Variants in ZBTB20 observed in about 807,000 individuals in gnomAD.
ZBTB20 encodes the protein zinc finger and BTB domain containing 20, also known as zinc finger and BTB domain-containing protein 20.
In ZBTB20, 9 loss-of-function variants were observed where a neutral mutation model predicts 56.9. The observed-to-expected ratio is 0.16, with a 90% CI of 0.10 to 0.28. The LOEUF is 0.28. Ranked by LOEUF, ZBTB20 falls within the 10% of genes least tolerant of loss-of-function variation. The pLI is 1.00. For synonymous variants in ZBTB20, 417 were observed against 420.7 expected, an observed-to-expected ratio of 0.99 and a Z score of 0.11; for missense variants, 655 against 1,003.0, an observed-to-expected ratio of 0.65 and a Z score of 4.69.
At chr3:114,956,240 A>G (rs1198900515) in intron 3 of ZBTB20, among the ~76,000 whole-genome samples, 1 of 152,204 alleles carries the variant, frequency 6.6e-6, no homozygotes, top group Non-Finnish European at 1.5e-5. Flanking sequence ...ACAACACAAC[A>G]AAAGCAGGGG....
rs569312934 is a variant in ZBTB20 at position 114,677,624 on chromosome 3, C to A, written c.-295+15904G>T. Among the ~76,000 whole-genome samples the A allele has an allele frequency of 6.6e-4, 100 of 152,238 alleles. 1 individual carries two copies. The highest frequency in any genetic ancestry group is 3.4e-3 in the Middle Eastern group (1 of 294). On this transcript the variant is annotated intron_variant, in intron 6 of 11. Transcript: ENST00000675478. ...TGAAACTGGTCCCTGGTGGCAAAAA[C>A]GTTGGTGGCTGCTGGCCCAGACAAT...
rs1191017862 is a variant in ZBTB20 at position 114,728,317 on chromosome 3, T to C, written c.-342-34742A>G. On this transcript the variant is annotated intron_variant, in intron 5 of 11. Transcript: ENST00000675478. ...TCAAAAATCCTGTGGGGTAGGTAAG[T>C]AGAGAAAGTATTAATAGTATACCCA... is the stretch of plus-strand genomic sequence containing the variant. 2.0e-5 allele frequency among the ~76,000 whole-genome samples: 3 copies of C among 152,270 alleles called. No homozygotes were observed. In the East Asian group the frequency reaches 5.8e-4, roughly 29 times the overall value.
At chr3:114,787,368 T>TATACATACAC (rs1433434685) in intron 5 of ZBTB20, among the ~76,000 whole-genome samples, 1 of 106,332 alleles carries the variant, frequency 9.4e-6, no homozygotes, top group Non-Finnish European at 1.9e-5. Flanking sequence ...TATATATATA[T>TATACATACAC]ACACACACAC....
intron 5 of ZBTB20, among the ~76,000 whole-genome samples, chr3:114,750,861 C>T (rs1306931050): frequency 6.6e-6 from 1 of 152,150 alleles, no homozygotes; most frequent in Non-Finnish European, 1.5e-5. Flanking sequence ...CCTTTGTCTA[C>T]TCTTTGAAGC....
At chr3:114,350,225 C>A (rs577889161) in intron 11 of ZBTB20, 49 bp downstream of exon 11, 9 of 1,545,142 alleles carry the variant, frequency 5.8e-6, no homozygotes, top group South Asian at 2.5e-5. Context: ...TGCCTTCCCA[C>A]AGCCCCCTCA....
intron 4 of ZBTB20, among the ~76,000 whole-genome samples, chr3:114,822,470 C>G (rs1453505993): frequency 6.6e-6 from 1 of 151,882 alleles, no homozygotes; most frequent in Non-Finnish European, 1.5e-5. Flanking sequence ...TAGTTCCAAT[C>G]CAACTCAATT....
chr3:114,508,033 A>G (rs376783067), intron 6 of ZBTB20, among the ~76,000 whole-genome samples: 1 of 152,172 alleles, frequency 6.6e-6, no homozygotes, highest in East Asian at 1.9e-4. Context: ...TGTCTAAGAA[A>G]TTTGCTGAAT....
intron 4 of ZBTB20, among the ~76,000 whole-genome samples, chr3:114,825,143 A>T (rs934392759): frequency 6.6e-6 from 1 of 151,934 alleles, no homozygotes; most frequent in African/African-American, 2.4e-5. Context: ...GCTGATCATC[A>T]TATCTAAACA....
intron 6 of ZBTB20, chr3:114,519,641 A>G (rs1348670075): frequency 6.6e-6 from 1 of 152,218 alleles, no homozygotes; most frequent in Non-Finnish European, 1.5e-5. Flanking sequence ...CATGTTTCCC[A>G]GTTACCATAG....
rs191979838 is a variant in ZBTB20, at chr3:114,805,121, C to T, written c.-416-3947G>A. ...GATAGTACAGAGAGTACCCATATTT[C>T]CTTCACTAGTTTTTCCTAATGTTAC... On this transcript the variant is annotated intron_variant, in intron 4 of 11. Coordinates refer to ENST00000675478, the MANE Select transcript of ZBTB20 (RefSeq NM_001348800.3). 5.7e-3 allele frequency among the ~76,000 whole-genome samples: 869 copies of T among 151,818 alleles called. 1 individual carries two copies. Among genetic ancestry groups the T allele is most frequent in the Non-Finnish European group, 7.3e-3 (494 of 67,802 alleles).
intron 7 of ZBTB20, among the ~76,000 whole-genome samples, chr3:114,428,922 T>G (rs1247219848): frequency 6.6e-6 from 1 of 152,174 alleles, no homozygotes; most frequent in African/African-American, 2.4e-5. Context: ...AATTTACAGA[T>G]AGATTTGGGG....
At chr3:114,409,110 G>C (rs912913130) in intron 7 of ZBTB20, among the ~76,000 whole-genome samples, 3 of 149,196 alleles carry the variant, frequency 2.0e-5, no homozygotes, top group Non-Finnish European at 3.0e-5. Context: ...TTCTAAGAGG[G>C]GGAAAAAGGG....
intron 5 of ZBTB20, among the ~76,000 whole-genome samples, chr3:114,793,150 G>A (rs1206577917): frequency 6.6e-6 from 1 of 151,908 alleles, no homozygotes; most frequent in Non-Finnish European, 1.5e-5. Flanking sequence ...AAAGTGACGG[G>A]ATTACAGGCA....
intron 4 of ZBTB20, among the ~76,000 whole-genome samples, chr3:114,898,662 T>C (rs1240748640): frequency 6.6e-6 from 1 of 152,166 alleles, no homozygotes; most frequent in African/African-American, 2.4e-5. Flanking sequence ...TAAGAGGCTG[T>C]GGCAATCCTC....
At chr3:114,688,116 GCTACTT>G (rs1184448875) in intron 6 of ZBTB20, 1 of 152,108 alleles carries the variant, frequency 6.6e-6, no homozygotes, top group Admixed American at 6.6e-5. Flanking sequence ...TGTAATCCCA[GCTACTT>G]GGGAGGCTAA....
intron 7 of ZBTB20, among the ~76,000 whole-genome samples, chr3:114,462,953 C>A (rs2092395723): frequency 6.6e-6 from 1 of 152,158 alleles, no homozygotes; most frequent in Non-Finnish European, 1.5e-5. Context: ...TGCACGTCAC[C>A]TTTTGGCAAC....
chr3:114,432,071 C>T (rs559087624), intron 7 of ZBTB20, among the ~76,000 whole-genome samples: 1 of 151,524 alleles, frequency 6.6e-6, no homozygotes, highest in African/African-American at 2.4e-5. Context: ...AAACCACACA[C>T]TTATATTTTG....
At chr3:115,066,074 T>G (rs2082196847) in intron 2 of ZBTB20, among the ~76,000 whole-genome samples, 3 of 152,200 alleles carry the variant, frequency 2.0e-5, no homozygotes, top group Admixed American at 2.0e-4. Context: ...CTCATTCCCC[T>G]TATTCAGCTT....
intron 7 of ZBTB20, among the ~76,000 whole-genome samples, chr3:114,400,771 T>G (rs1407443692): frequency 6.6e-6 from 1 of 151,968 alleles, no homozygotes; most frequent in East Asian, 1.9e-4. Context: ...CCAGCCCACA[T>G]GATTTCACCT....
Sources: allele counts gnomAD v4.1 joint callset (sites outside exome capture counted in the v4.1 genomes callset), GRCh38; gene constraint gnomAD v4.1.1; transcripts MANE v1.5; gene names NCBI Gene and HGNC (gene_info 2026-07-23, HGNC 2026-07-21).